DNAAF5: variants seen among roughly 807,000 people sequenced by gnomAD.
DNAAF5 encodes the protein dynein axonemal assembly factor 5.
DNAAF5 carries 64 observed loss-of-function variants against 75.8 expected under a neutral mutation model. The observed-to-expected ratio is 0.84, with a 90% CI of 0.69 to 1.04. The LOEUF (loss-of-function observed/expected upper bound fraction) is 1.04, where lower values mean the gene tolerates loss of function less well. Among genes scored for constraint, DNAAF5 ranks in the 50% least tolerant of loss-of-function variants. DNAAF5 has a pLI of 0.00. For missense variants in DNAAF5, 1,269 were observed against 1,178.5 expected (o/e 1.08, Z -1.12); for synonymous variants, 657 against 557.2 (o/e 1.18, Z -2.52).
At chr7:743,514 C>T (rs1428958079) in intron 4 of DNAAF5, among the ~76,000 whole-genome samples, 1 of 151,988 alleles carries the variant, frequency 6.6e-6, no homozygotes, top group Non-Finnish European at 1.5e-5. Context: ...CGGCATTCTC[C>T]ACCTTGCAGC....
At chr7:767,658 T>C (rs1778361899) in intron 8 of DNAAF5, among the ~76,000 whole-genome samples, 1 of 152,132 alleles carries the variant, frequency 6.6e-6, no homozygotes, top group Admixed American at 6.5e-5. Flanking sequence ...AGTGCAGAAG[T>C]GTCCGTGCTG....
chr7:746,284 C>A lies in DNAAF5; in HGVS notation c.1024+4819C>A, dbSNP rs113101459. Among the ~76,000 whole-genome samples, 5 of 118,224 alleles carry A rather than the reference C, an allele frequency of 4.2e-5. 1 individual carries two copies. The highest frequency in any genetic ancestry group is 1.6e-4 in the African/African-American group (5 of 30,884). 77.6% of individuals were successfully genotyped at this position (118,224 alleles called of 152,430 possible). On this transcript the variant is annotated intron_variant, in intron 4 of 12. Transcript: ENST00000297440. ...CCTTACTGTCTTGCCCCCCCCTGCCCGCTGGGCCCAGGCTCTGTGTCCTCA... is the reference window on the plus strand; with the variant it reads ...CCTTACTGTCTTGCCCCCCCCTGCCAGCTGGGCCCAGGCTCTGTGTCCTCA...
At chr7:738,047 T>C (rs1183429235) in intron 2 of DNAAF5, among the ~76,000 whole-genome samples, 1 of 152,246 alleles carries the variant, frequency 6.6e-6, no homozygotes, top group Non-Finnish European at 1.5e-5. Context: ...CAGGAACTCT[T>C]AGATTTGCCC....
chr7:738,126 C>T (rs529071347), intron 2 of DNAAF5, among the ~76,000 whole-genome samples: 1 of 152,268 alleles, frequency 6.6e-6, no homozygotes, highest in East Asian at 1.9e-4. Context: ...TTTGTCTTCT[C>T]TGTGTATTTT....
rs1212478653 is a variant in DNAAF5 at position 770,577 on chromosome 7, C to T, written c.1890C>T (p.Ser630=). ...QMRLKLFSIL[S]TVLLRATDTI... ...GCCTGAAGCTGTTCTCCATCCTGTCCACCGTGCTGCTCAGAGCCACGGACA... is the reference window on the plus strand; with the variant it reads ...GCCTGAAGCTGTTCTCCATCCTGTCTACCGTGCTGCTCAGAGCCACGGACA... Residue 630 remains serine, a synonymous_variant, in exon 9 of 13, where the codon TCC becomes TCT. Coordinates refer to ENST00000297440, the MANE Select transcript of DNAAF5 (RefSeq NM_017802.4). The T allele has an allele frequency of 1.9e-6, 3 of 1,613,916 alleles. No homozygotes were observed. The highest frequency in any genetic ancestry group is 1.7e-5 in the Admixed American group (1 of 60,032).
chr7:762,764 C>T lies in DNAAF5; in HGVS notation c.1614+868C>T, dbSNP rs866469382. On this transcript the variant is annotated intron_variant, in intron 7 of 12. Coordinates refer to ENST00000297440, the MANE Select transcript of DNAAF5 (RefSeq NM_017802.4). ...GAGTAGCCGGGATTACAGGCGCCCA[C>T]CACCATACCCGGCTAATTTTTATAT... Among the ~76,000 whole-genome samples, 3 of 152,162 alleles carry T rather than the reference C, an allele frequency of 2.0e-5. No individual in the cohort carries two copies. In the South Asian group the frequency reaches 6.2e-4, roughly 32 times the overall value.
chr7:762,015 G>A (rs1325378902), intron 7 of DNAAF5, 119 bp downstream of exon 7: 1 of 86,092 alleles, frequency 1.2e-5, no homozygotes, highest in Non-Finnish European at 1.8e-5. Flanking sequence ...CAAAGACCAG[G>A]GATTGAGAAC....
intron 4 of DNAAF5, among the ~76,000 whole-genome samples, chr7:748,739 C>A (rs1355591170): frequency 6.6e-6 from 1 of 152,198 alleles, no homozygotes; most frequent in African/African-American, 2.4e-5. Context: ...CCTCTGCACC[C>A]AGAGGCGGTG....
At chr7:753,524 T>A (rs755439107) in intron 4 of DNAAF5, among the ~76,000 whole-genome samples, 3 of 152,248 alleles carry the variant, frequency 2.0e-5, no homozygotes, top group Non-Finnish European at 2.9e-5. Flanking sequence ...GCCGATGGCT[T>A]CGCAGCCGTG....
intron 12 of DNAAF5, among the ~76,000 whole-genome samples, chr7:784,233 G>A (rs953166415): frequency 2.6e-5 from 4 of 152,096 alleles, no homozygotes; most frequent in African/African-American, 7.2e-5. Flanking sequence ...TCTTTCCCTC[G>A]CCCATGTGGG....
At chr7:741,015 T>C in intron 3 of DNAAF5, 72 bp downstream of exon 3, 3 of 1,552,362 alleles carry the variant, frequency 1.9e-6, no homozygotes, top group Non-Finnish European at 2.6e-6. Context: ...TTCTCTTTGC[T>C]CCCAGTCTCT....
intron 12 of DNAAF5, among the ~76,000 whole-genome samples, chr7:780,815 CTTTTT>C (rs139098865): frequency 7.1e-6 from 1 of 141,248 alleles, no homozygotes; most frequent in East Asian, 2.1e-4. Flanking sequence ...TAACGATTTG[CTTTTT>C]TTTTTCTTTT....
intron 6 of DNAAF5, among the ~76,000 whole-genome samples, chr7:758,239 T>C (rs1184277172): frequency 4.6e-5 from 7 of 152,244 alleles, no homozygotes; most frequent in African/African-American, 1.7e-4. Context: ...AGAAGCATTT[T>C]TTCCTAGAAG....
chr7:756,066 G>A, intron 5 of DNAAF5, among the ~76,000 whole-genome samples: 1 of 100,042 alleles, frequency 1.0e-5, no homozygotes, highest in Non-Finnish European at 2.1e-5. Flanking sequence ...ATCCGCTGTG[G>A]AATCCCACGG....
chr7:727,158 G>A lies in DNAAF5; in HGVS notation c.438G>A (p.Val146=). Residue 146 remains valine (V), a synonymous_variant, in exon 1 of 13, where the codon GTG becomes GTA. Transcript: ENST00000297440. ...GTGAGGAGCTGCGCCTGGCGCTTGT[G>A]CAGCTGCTGGGCCTGGCCGTGGACC... ...EACEELRLAL[V]QLLGLAVDLC... is the part of the protein sequence containing the mutation. 1 of 1,286,914 alleles carries A rather than the reference G, an allele frequency of 7.8e-7. No individual in the cohort carries two copies. The highest frequency in any genetic ancestry group is 9.9e-7 in the Non-Finnish European group (1 of 1,013,564). The allele number at this position is 1,286,914 out of a possible 1,614,324, so 79.7% of individuals were successfully genotyped here. A position where few individuals can be genotyped will look rare whatever the true frequency, so the allele number is the denominator to read the frequency against.
chr7:744,412 GTCTT>G (rs1782018160), intron 4 of DNAAF5, among the ~76,000 whole-genome samples: 1 of 152,178 alleles, frequency 6.6e-6, no homozygotes, highest in Admixed American at 6.5e-5. Context: ...ATGTGCCTGT[GTCTT>G]TATAGCAGCA....
intron 9 of DNAAF5, among the ~76,000 whole-genome samples, chr7:773,694 C>G (rs1778651201): frequency 6.6e-6 from 1 of 152,190 alleles, no homozygotes; most frequent in South Asian, 2.1e-4. Flanking sequence ...CACCACCGCA[C>G]CTGCCCTAGC....
At chr7:729,927 T>C in intron 2 of DNAAF5, 80 bp downstream of exon 2, 1 of 1,397,230 alleles carries the variant, frequency 7.2e-7, no homozygotes, top group Non-Finnish European at 9.9e-7. Flanking sequence ...CTAACTCACT[T>C]GTTCTTTTTT....
intron 4 of DNAAF5, among the ~76,000 whole-genome samples, chr7:744,070 C>T: frequency 6.6e-6 from 1 of 151,968 alleles, no homozygotes; most frequent in Non-Finnish European, 1.5e-5. Context: ...GGTATATCTC[C>T]TAATGCTATC....
Sources: allele counts gnomAD v4.1 joint callset (sites outside exome capture counted in the v4.1 genomes callset), GRCh38; gene constraint gnomAD v4.1.1; transcripts MANE v1.5; gene names NCBI Gene and HGNC (gene_info 2026-07-23, HGNC 2026-07-21).